FAM135A: variants seen among roughly 807,000 people sequenced by gnomAD.
The protein encoded by FAM135A is protein FAM135A.
A neutral mutation model predicts 146.8 loss-of-function variants in FAM135A; 79 were observed. The ratio of observed to expected loss-of-function variants is 0.54; its 90% CI spans 0.45 to 0.65. The LOEUF (loss-of-function observed/expected upper bound fraction) is 0.65, where lower values mean the gene tolerates loss of function less well. Ranked by LOEUF, FAM135A falls within the 30% of genes least tolerant of loss-of-function variation. The probability of loss-of-function intolerance (pLI) is 0.00; values close to 1 mark genes in which losing one functional copy is unlikely to be tolerated. For missense variants in FAM135A, 1,623 were observed against 1,758.2 expected (o/e 0.92, Z 1.38); for synonymous variants, 562 against 603.6 (o/e 0.93, Z 1.01).
At chr6:70,510,899 TTCTAATTTCTTCATATACTTA>T (rs1790844865) in intron 12 of FAM135A, among the ~76,000 whole-genome samples, 1 of 152,052 alleles carries the variant, frequency 6.6e-6, no homozygotes, top group Non-Finnish European at 1.5e-5. Context: ...TGTACAAGGA[TTCTAATTTCTTCATATACTTA>T]CAAACACTTG....
intron 11 of FAM135A, among the ~76,000 whole-genome samples, 156 bp from the exon 12 acceptor site, chr6:70,502,480 G>A (rs1788776864): frequency 6.6e-6 from 1 of 151,040 alleles, no homozygotes; most frequent in Non-Finnish European, 1.5e-5. Flanking sequence ...TTGTTAATTG[G>A]TCTTTGTCTC....
At chr6:70,539,031 T>C (rs569824682) in intron 20 of FAM135A, among the ~76,000 whole-genome samples, 2 of 152,126 alleles carry the variant, frequency 1.3e-5, no homozygotes, top group South Asian at 4.1e-4. Flanking sequence ...AGTTCCCAAC[T>C]GCTCCTTTGC....
At chr6:70,541,982 T>G (rs375498161) in intron 20 of FAM135A, among the ~76,000 whole-genome samples, 1 of 152,224 alleles carries the variant, frequency 6.6e-6, no homozygotes, top group South Asian at 2.1e-4. Context: ...AGTTTAGCCT[T>G]CATCACTTTT....
At chr6:70,460,437 C>T (rs1779209844) in intron 5 of FAM135A, among the ~76,000 whole-genome samples, 1 of 152,212 alleles carries the variant, frequency 6.6e-6, no homozygotes, top group African/African-American at 2.4e-5. Context: ...AGGTTGCTGA[C>T]ATTCATATCC....
Position 70,481,064 on chromosome 6 carries a change from T to C in FAM135A, c.669+37T>C, listed in dbSNP as rs372186171. The C allele has an allele frequency of 8.5e-5, 127 of 1,501,886 alleles. No homozygotes were observed. The African/African-American group carries it at 1.6e-3, about 18-fold the overall frequency. 93.0% of individuals were successfully genotyped at this position (1,501,886 alleles called of 1,614,324 possible). On this transcript the variant is annotated intron_variant, in intron 9 of 21. Coordinates refer to ENST00000418814, the MANE Select transcript of FAM135A (RefSeq NM_001162529.3). The stretch of plus-strand genomic sequence containing the variant: ...ATATGTTTATAAATCTTCTCCTTAT[T>C]TTAAAAGAAGTGTTTTTAACAATTT...
chr6:70,513,872 A>T (rs1013618141), intron 12 of FAM135A, among the ~76,000 whole-genome samples: 2 of 151,912 alleles, frequency 1.3e-5, no homozygotes, highest in African/African-American at 4.8e-5. Flanking sequence ...TTAAAAAGTC[A>T]GTTATTTATA....
Position 70,556,346 on chromosome 6 carries a change from T to C in FAM135A, c.4229-404T>C, listed in dbSNP as rs1800824161. On this transcript the variant is annotated intron_variant, in intron 20 of 21. Coordinates refer to ENST00000418814, the MANE Select transcript of FAM135A (RefSeq NM_001162529.3). ...GTAAAAAGCTTTAAATGATGTACTG[T>C]GAGGTGTTTTGTTTGTTTTAATGGA... Among the ~76,000 whole-genome samples, 3 of 152,198 alleles carry C rather than the reference T, an allele frequency of 2.0e-5. No individual in the cohort carries two copies. The South Asian group carries it at 6.2e-4, about 32-fold the overall frequency.
intron 21 of FAM135A, 185 bp downstream of exon 21, chr6:70,557,048 A>G (rs541675060): frequency 4.5e-4 from 264 of 591,220 alleles, no homozygotes; most frequent in Non-Finnish European, 5.9e-4. Flanking sequence ...GCCTTTACCA[A>G]TGAAGTAATA....
intron 2 of FAM135A, among the ~76,000 whole-genome samples, chr6:70,425,126 TAC>T (rs764196285): frequency 4.7e-4 from 70 of 149,346 alleles, no homozygotes; most frequent in Middle Eastern, 3.6e-3. Flanking sequence ...AAATACATAT[TAC>T]ACACACACAC....
At chr6:70,477,079 T>C in intron 7 of FAM135A, 80 bp from the exon 8 acceptor site, 2 of 1,362,046 alleles carry the variant, frequency 1.5e-6, no homozygotes, top group Non-Finnish European at 2.0e-6. Context: ...GTAAATAGTT[T>C]TTATAGTTTC....
chr6:70,464,862 T>TC (rs1491446777), intron 5 of FAM135A, among the ~76,000 whole-genome samples: 7 of 117,862 alleles, frequency 5.9e-5, no homozygotes, highest in East Asian at 2.0e-4. Flanking sequence ...TTTTTTTTTT[T>TC]CAGTAGAGAT....
intron 11 of FAM135A, among the ~76,000 whole-genome samples, chr6:70,499,287 A>T (rs942458154): frequency 6.6e-6 from 1 of 151,960 alleles, no homozygotes; most frequent in Non-Finnish European, 1.5e-5. Context: ...TCAGACTAGG[A>T]TTTCATCCCC....
intron 20 of FAM135A, among the ~76,000 whole-genome samples, chr6:70,551,506 G>A (rs1799829898): frequency 6.6e-6 from 1 of 152,166 alleles, no homozygotes; most frequent in African/African-American, 2.4e-5. Flanking sequence ...AGCTACTTGG[G>A]AGGTTGAAGT....
In FAM135A at chr6:70,520,591, T is replaced by A. The variant is rs1793344507; in HGVS notation, c.1030-1922T>A. ...CTTTTGAATAAGTGATGTTGCCAAA[T>A]AAGTTTTTTTTTAATTGGGCACACA... On this transcript the variant is annotated intron_variant, in intron 12 of 21. Coordinates refer to ENST00000418814, the MANE Select transcript of FAM135A (RefSeq NM_001162529.3). 2.0e-5 allele frequency among the ~76,000 whole-genome samples: 3 copies of A among 152,170 alleles called. No individual in the cohort carries two copies. In the South Asian group the frequency reaches 6.2e-4, roughly 31 times the overall value.
intron 19 of FAM135A, among the ~76,000 whole-genome samples, chr6:70,538,010 AGTTT>A (rs1797098464): frequency 6.6e-6 from 1 of 152,156 alleles, no homozygotes; most frequent in Non-Finnish European, 1.5e-5. Context: ...TAATTTTTCC[AGTTT>A]GTTCTTCATA....
In FAM135A at chr6:70,525,168, A is replaced by G. The variant is rs773422579; in HGVS notation, c.2084A>G (p.Asn695Ser). The G allele has an allele frequency of 1.3e-6, 2 of 1,587,400 alleles. No homozygotes were observed. Among genetic ancestry groups the G allele is most frequent in the African/African-American group, 1.4e-5 (1 of 73,512 alleles). The change falls in exon 15 of 22, where the codon AAC (asparagine) becomes AGC (serine). Residue 695 changes from asparagine (N) to serine (S), a missense_variant. Coordinates refer to ENST00000418814, the MANE Select transcript of FAM135A (RefSeq NM_001162529.3). ...EEILVDNLLPNFESLESNGKS... is the reference protein window; with the variant it reads ...EEILVDNLLPSFESLESNGKS... ...ATACTTGTGGATAATTTACTACCCA[A>G]CTTTGAGTCCTTAGAATCTAATGGT...
intron 16 of FAM135A, among the ~76,000 whole-genome samples, chr6:70,528,987 T>C (rs1364495190): frequency 6.6e-6 from 1 of 152,090 alleles, no homozygotes; most frequent in Non-Finnish European, 1.5e-5. Flanking sequence ...GATTTCCAGC[T>C]TCATCCATGT....
chr6:70,428,361 A>G lies in FAM135A; in HGVS notation c.19A>G (p.Met7Val), dbSNP rs985922891. 12 of 1,601,420 alleles carry G rather than the reference A, an allele frequency of 7.5e-6. No homozygotes were observed. Among genetic ancestry groups the G allele is most frequent in the East Asian group, 2.3e-5 (1 of 44,268 alleles). MTEVQA[M>V]VEFSVELNKF... ...ATTAAAAATGACTGAAGTTCAAGCAATGGTAGAATTCTCTGTGGAGCTAAA... is the reference window on the plus strand; with the variant it reads ...ATTAAAAATGACTGAAGTTCAAGCAGTGGTAGAATTCTCTGTGGAGCTAAA... The change falls in exon 4 of 22, where the codon ATG (methionine) becomes GTG (valine). Residue 7 changes from methionine to valine, a missense_variant. Physicochemically the swap from Met to Val is conservative, Grantham distance 21. This residue lies in a region of FAM135A where 171 missense variants were observed against 164.9 expected (regional missense o/e 1.04). Transcript: ENST00000418814.
At chr6:70,504,895 G>A (rs1789387727) in intron 12 of FAM135A, 1 of 151,732 alleles carries the variant, frequency 6.6e-6, no homozygotes, top group African/African-American at 2.4e-5. Context: ...TAGAGGTGGA[G>A]GTTGCAGTGA....
Sources: gnomAD v4.1 joint callset for allele counts (sites outside exome capture counted in the v4.1 genomes callset) on GRCh38, gnomAD v4.1.1 for gene constraint, gnomAD v4.1.1 regional missense constraint, MANE v1.5 for transcripts, NCBI Gene and HGNC (gene_info 2026-07-23, HGNC 2026-07-21) for gene names.